Variants in STPG2 observed in about 807,000 individuals in gnomAD.
STPG2 encodes the protein sperm tail PG-rich repeat containing 2.
A neutral mutation model predicts 54.2 loss-of-function variants in STPG2; 56 were observed. The observed-to-expected ratio is 1.03, with a 90% confidence interval of 0.83 to 1.29. The LOEUF (loss-of-function observed/expected upper bound fraction) is 1.29, where lower values mean the gene tolerates loss of function less well. Among genes scored for constraint, STPG2 ranks in the 50% most tolerant of loss-of-function variants. STPG2 has a pLI of 0.00. For missense variants in STPG2, 596 were observed against 544.9 expected, an observed-to-expected ratio of 1.09 and a Z score of -0.93; for synonymous variants, 200 against 181.8, an observed-to-expected ratio of 1.10 and a Z score of -0.81.
At chr4:97,634,158 C>A (rs1205199524) in intron 10 of STPG2, among the ~76,000 whole-genome samples, 1 of 152,194 alleles carries the variant, frequency 6.6e-6, no homozygotes, top group East Asian at 1.9e-4. Context: ...AACGGGCAGA[C>A]TGCCTCCTCA....
chr4:97,933,115 T>C (rs1216568462), intron 8 of STPG2, among the ~76,000 whole-genome samples: 1 of 152,228 alleles, frequency 6.6e-6, no homozygotes, highest in East Asian at 1.9e-4. Flanking sequence ...TTTCTAATGA[T>C]CAGTGATGTT....
intron 3 of STPG2, among the ~76,000 whole-genome samples, chr4:98,126,216 G>T (rs1037568874): frequency 6.6e-6 from 1 of 152,182 alleles, no homozygotes; most frequent in African/African-American, 2.4e-5. Context: ...CCTTCCTACA[G>T]GAGTGGATGA....
intron 8 of STPG2, among the ~76,000 whole-genome samples, chr4:97,887,397 G>T (rs1730617890): frequency 6.6e-6 from 1 of 152,144 alleles, no homozygotes; most frequent in Admixed American, 6.6e-5. Context: ...GGGAACTGGA[G>T]TAACAATCAC....
intron 8 of STPG2, among the ~76,000 whole-genome samples, chr4:97,933,603 C>T (rs972684642): frequency 6.6e-6 from 1 of 152,154 alleles, no homozygotes; most frequent in Non-Finnish European, 1.5e-5. Flanking sequence ...TTTCCCAGCA[C>T]CATTTATTAA....
intron 4 of STPG2, among the ~76,000 whole-genome samples, chr4:97,477,918 A>G (rs1730118683): frequency 6.6e-6 from 1 of 152,198 alleles, no homozygotes. Flanking sequence ...TAAATCAGCT[A>G]CTACGTGATA....
At chr4:97,444,028 A>T (rs1402217558) in intron 4 of STPG2, among the ~76,000 whole-genome samples, 1 of 152,206 alleles carries the variant, frequency 6.6e-6, no homozygotes, top group East Asian at 1.9e-4. Flanking sequence ...TTAACATTTA[A>T]ATTAAGAATG....
intron 4 of STPG2, among the ~76,000 whole-genome samples, chr4:97,455,166 C>A (rs867127365): frequency 5.9e-5 from 9 of 152,104 alleles, no homozygotes; most frequent in South Asian, 2.1e-4. Context: ...GGAGATAACA[C>A]AAAAGAAAAT....
chr4:97,566,516 C>T (rs533285103), intron 10 of STPG2, among the ~76,000 whole-genome samples: 1 of 152,312 alleles, frequency 6.6e-6, no homozygotes, highest in South Asian at 2.1e-4. Context: ...CAGAAATCAC[C>T]CGTCTTCTGC....
In STPG2 at chr4:97,972,267, A is replaced by T. The variant is rs1734353044; in HGVS notation, c.933+13T>A. 9.3e-6 allele frequency: 14 copies of T among 1,505,040 alleles called. No individual in the cohort carries two copies. The highest frequency in any genetic ancestry group is 1.3e-5 in the Non-Finnish European group (14 of 1,117,408). The allele number at this position is 1,505,040 out of a possible 1,614,324, so 93.2% of individuals were successfully genotyped here. On this transcript the variant is annotated intron_variant, in intron 7 of 10. Transcript: ENST00000295268. Reference sequence around the variant, plus strand: ...TCAACATAAAGAATATTATTTTTGTATGAATGTATTACCTGATAATCAGCA... The same window carrying T: ...TCAACATAAAGAATATTATTTTTGTTTGAATGTATTACCTGATAATCAGCA...
intron 10 of STPG2, among the ~76,000 whole-genome samples, chr4:97,595,860 A>G (rs529301723): frequency 1.3e-5 from 2 of 152,268 alleles, no homozygotes; most frequent in South Asian, 2.1e-4. Flanking sequence ...ACTACACAAT[A>G]AAGTCTGCAT....
chr4:97,598,285 C>A (rs561559754), intron 10 of STPG2, among the ~76,000 whole-genome samples: 1 of 151,172 alleles, frequency 6.6e-6, no homozygotes, highest in Non-Finnish European at 1.5e-5. Flanking sequence ...TAGGAAGAAT[C>A]AATATTGTTA....
intron 10 of STPG2, among the ~76,000 whole-genome samples, chr4:97,709,296 T>C (rs186031776): frequency 1.8e-3 from 271 of 151,820 alleles, no homozygotes; most frequent in African/African-American, 6.3e-3. Flanking sequence ...TTTTTAAATT[T>C]AGAACTGAAA....
At chr4:97,964,790 G>C (rs1734029134) in intron 7 of STPG2, among the ~76,000 whole-genome samples, 1 of 152,100 alleles carries the variant, frequency 6.6e-6, no homozygotes, top group Non-Finnish European at 1.5e-5. Context: ...ACAAAATTCA[G>C]TTATTACTTG....
intron 10 of STPG2, among the ~76,000 whole-genome samples, chr4:97,563,860 G>T (rs891720828): frequency 3.9e-5 from 6 of 152,120 alleles, no homozygotes; most frequent in South Asian, 2.1e-4. Flanking sequence ...TACTTCTAAT[G>T]ATGTGGTCAA....
intron 5 of STPG2, among the ~76,000 whole-genome samples, chr4:97,985,951 C>G (rs1269659754): frequency 6.6e-5 from 7 of 105,410 alleles, no homozygotes; most frequent in African/African-American, 3.4e-4. Context: ...CGCACACAAA[C>G]ACACACACAC....
intron 4 of STPG2, among the ~76,000 whole-genome samples, chr4:97,509,577 A>C (rs1730926817): frequency 6.6e-6 from 1 of 152,148 alleles, no homozygotes; most frequent in African/African-American, 2.4e-5. Context: ...ATATACAAAA[A>C]TCTAAAAACA....
intron 5 of STPG2, among the ~76,000 whole-genome samples, chr4:98,008,009 A>T (rs1362741125): frequency 6.6e-6 from 1 of 152,116 alleles, no homozygotes; most frequent in African/African-American, 2.4e-5. Context: ...AAATAAAGCA[A>T]AATATTTGGA....
intron 4 of STPG2, among the ~76,000 whole-genome samples, chr4:97,476,746 C>T (rs1277986511): frequency 1.3e-5 from 2 of 152,146 alleles, no homozygotes; most frequent in African/African-American, 2.4e-5. Flanking sequence ...AGCAGTTTTG[C>T]AGCATCCTTT....
intron 9 of STPG2, among the ~76,000 whole-genome samples, chr4:97,747,532 C>T (rs1452422127): frequency 6.6e-6 from 1 of 151,302 alleles, no homozygotes; most frequent in Non-Finnish European, 1.5e-5. Context: ...ATTTAAGGAC[C>T]TTTCTTTGCC....
Sources: allele counts gnomAD v4.1 joint callset (sites outside exome capture counted in the v4.1 genomes callset), GRCh38; gene constraint gnomAD v4.1.1; transcripts MANE v1.5; gene names NCBI Gene and HGNC (gene_info 2026-07-23, HGNC 2026-07-21).